The following CNTNAP5 variants were observed in gnomAD, a reference collection of about 807,000 sequenced individuals.
CNTNAP5 encodes contactin associated protein family member 5.
A neutral mutation model predicts 150.2 loss-of-function variants in CNTNAP5; 72 were observed. The ratio of observed to expected loss-of-function variants is 0.48; its 90% CI spans 0.40 to 0.58. The LOEUF is 0.58. Among genes scored for constraint, CNTNAP5 ranks in the 20% least tolerant of loss-of-function variants. The pLI is 0.00. For missense variants in CNTNAP5, 1,636 were observed against 1,626.2 expected (o/e 1.01, Z -0.10); for synonymous variants, 672 against 619.8 (o/e 1.08, Z -1.25).
chr2:124,202,947 A>C (rs941362491), intron 1 of CNTNAP5, among the ~76,000 whole-genome samples: 1 of 152,126 alleles, frequency 6.6e-6, no homozygotes, highest in Non-Finnish European at 1.5e-5. Flanking sequence ...ATATCCTCGC[A>C]TTTTAAAGCC....
chr2:124,388,811 G>C (rs1306565459), intron 3 of CNTNAP5, among the ~76,000 whole-genome samples: 5 of 152,102 alleles, frequency 3.3e-5, no homozygotes, highest in Non-Finnish European at 5.9e-5. Flanking sequence ...CTCCCGAGTA[G>C]CTGGGATTGT....
chr2:124,440,208 A>G (rs1249234264), intron 5 of CNTNAP5, among the ~76,000 whole-genome samples: 1 of 152,186 alleles, frequency 6.6e-6, no homozygotes, highest in African/African-American at 2.4e-5. Flanking sequence ...ACAAGTGAAT[A>G]TCGGTGTTGA....
chr2:124,693,285 A>G (rs769101891), intron 13 of CNTNAP5, among the ~76,000 whole-genome samples: 12 of 152,148 alleles, frequency 7.9e-5, no homozygotes, highest in Admixed American at 5.9e-4. Flanking sequence ...TTCTTTGACT[A>G]TGCTCTGAGA....
At chr2:124,588,466 C>T (rs996978581) in intron 11 of CNTNAP5, among the ~76,000 whole-genome samples, 1 of 151,840 alleles carries the variant, frequency 6.6e-6, no homozygotes, top group Non-Finnish European at 1.5e-5. Flanking sequence ...GGAACCAATA[C>T]TTTAGAAGGT....
intron 11 of CNTNAP5, among the ~76,000 whole-genome samples, chr2:124,605,809 C>CAAAAAA (rs36090348): frequency 8.7e-5 from 3 of 34,394 alleles, no homozygotes; most frequent in African/African-American, 1.4e-4. Context: ...AAGACTCTGT[C>CAAAAAA]AAAAAAAAAA....
intron 1 of CNTNAP5, among the ~76,000 whole-genome samples, chr2:124,061,618 A>G (rs919713355): frequency 1.3e-5 from 2 of 152,194 alleles, no homozygotes; most frequent in Non-Finnish European, 1.5e-5. Context: ...TCATGACTGT[A>G]AGAGTTTGTA....
chr2:124,592,668 T>C (rs866266576), intron 11 of CNTNAP5, among the ~76,000 whole-genome samples: 5 of 152,204 alleles, frequency 3.3e-5, no homozygotes, highest in Middle Eastern at 3.4e-3. Flanking sequence ...CCCTATAATA[T>C]AACTAATATT....
At chr2:124,864,573 T>TCA (rs10531893) in intron 19 of CNTNAP5, among the ~76,000 whole-genome samples, 153 of 149,950 alleles carry the variant, frequency 1.0e-3, no homozygotes, top group East Asian at 3.0e-3. Flanking sequence ...TCTCTGTGTC[T>TCA]CACACACACA....
chr2:124,458,792 T>C (rs1417808292), intron 6 of CNTNAP5, among the ~76,000 whole-genome samples: 2 of 151,976 alleles, frequency 1.3e-5, no homozygotes, highest in Non-Finnish European at 2.9e-5. Flanking sequence ...AATGAACACA[T>C]AAAAATACAA....
At chr2:124,341,002 T>C (rs576810202) in intron 3 of CNTNAP5, among the ~76,000 whole-genome samples, 4 of 151,612 alleles carry the variant, frequency 2.6e-5, no homozygotes, top group Non-Finnish European at 5.9e-5. Context: ...CTTCAGTCCA[T>C]TGCAGTTCCA....
At chr2:124,660,780 C>T (rs2174251) in intron 13 of CNTNAP5, among the ~76,000 whole-genome samples, 40,717 of 151,072 alleles carry the variant, frequency 0.27, 6,282 homozygotes, top group Non-Finnish European at 0.35. Flanking sequence ...AAATACAAGA[C>T]AAAAGATACA....
chr2:124,436,916 T>C (rs1692544955), intron 5 of CNTNAP5, among the ~76,000 whole-genome samples: 1 of 152,176 alleles, frequency 6.6e-6, no homozygotes, highest in Non-Finnish European at 1.5e-5. Context: ...CTTACCTGTT[T>C]TAAGCAGTCA....
At position 124,524,554 on chromosome 2, in the gene CNTNAP5, C is replaced by A; in HGVS notation, c.1477+102C>A. 4.5e-6 allele frequency: 5 copies of A among 1,117,462 alleles called. No individual in the cohort carries two copies. In the South Asian group the frequency reaches 4.6e-5, roughly 10 times the overall value. The allele number at this position is 1,117,462 out of a possible 1,614,324, so 69.2% of individuals were successfully genotyped here. On this transcript the variant is annotated intron_variant, in intron 9 of 23. Transcript: ENST00000682447. ...TTCTGGTTTGGTCAATTAGACAATT[C>A]TCCCAACACACAAACACACACACAC...
At chr2:124,500,412 G>A (rs1694249170) in intron 7 of CNTNAP5, among the ~76,000 whole-genome samples, 1 of 152,156 alleles carries the variant, frequency 6.6e-6, no homozygotes. Context: ...GGGATTTATA[G>A]CCAAGGAGTA....
At chr2:124,851,941 G>A (rs895964859) in intron 19 of CNTNAP5, among the ~76,000 whole-genome samples, 48 of 152,246 alleles carry the variant, frequency 3.2e-4, no homozygotes, top group South Asian at 1.9e-3. Context: ...AGCAAGAATG[G>A]GCCAAGGGAC....
intron 12 of CNTNAP5, among the ~76,000 whole-genome samples, chr2:124,633,751 GCT>G (rs1390136298): frequency 6.6e-6 from 1 of 152,192 alleles, no homozygotes; most frequent in African/African-American, 2.4e-5. Context: ...GGACATACAG[GCT>G]TTCCAAATAA....
At chr2:124,500,801 A>G (rs550826823) in intron 7 of CNTNAP5, among the ~76,000 whole-genome samples, 114 of 152,302 alleles carry the variant, frequency 7.5e-4, no homozygotes, top group African/African-American at 2.4e-3. Flanking sequence ...TATGACAGTG[A>G]AAATATAGGG....
chr2:124,573,992 A>G (rs941064184), intron 11 of CNTNAP5, among the ~76,000 whole-genome samples: 8 of 152,258 alleles, frequency 5.3e-5, no homozygotes, highest in African/African-American at 1.9e-4. Context: ...TTATTGCCAT[A>G]AAAGTTTAGA....
chr2:124,061,409 C>G (rs1054793360), intron 1 of CNTNAP5, among the ~76,000 whole-genome samples: 1 of 151,996 alleles, frequency 6.6e-6, no homozygotes, highest in Non-Finnish European at 1.5e-5. Flanking sequence ...TTCACTTTTT[C>G]TAATAGAAGC....
Sources: gnomAD v4.1 joint callset for allele counts (sites outside exome capture counted in the v4.1 genomes callset) on GRCh38, gnomAD v4.1.1 for gene constraint, MANE v1.5 for transcripts, NCBI Gene and HGNC (gene_info 2026-07-23, HGNC 2026-07-21) for gene names.